FHL2: variants seen among roughly 807,000 people sequenced by gnomAD.
FHL2 encodes four and a half LIM domains protein 2.
In FHL2, 20 loss-of-function variants were observed where a neutral mutation model predicts 32.7. The ratio of observed to expected loss-of-function variants is 0.61; its 90% CI spans 0.43 to 0.89. The LOEUF (loss-of-function observed/expected upper bound fraction) is 0.89, where lower values mean the gene tolerates loss of function less well. FHL2 is among the 40% of genes least tolerant of loss of function. FHL2 has a pLI of 0.00. For synonymous variants in FHL2, 123 were observed against 128.1 expected (o/e 0.96, Z 0.27); for missense variants, 311 against 358.6 (o/e 0.87, Z 1.07).
chr2:105,381,944 T>G (rs1038222948), intron 3 of FHL2, among the ~76,000 whole-genome samples: 1 of 151,452 alleles, frequency 6.6e-6, no homozygotes, highest in Non-Finnish European at 1.5e-5. Context: ...GAAGGGTGGG[T>G]TTTTCAAACC....
chr2:105,437,259 C>T (rs1234299678), intron 1 of FHL2, among the ~76,000 whole-genome samples: 1 of 152,160 alleles, frequency 6.6e-6, no homozygotes, highest in Non-Finnish European at 1.5e-5. Context: ...AATACAAAAA[C>T]TTGTGTAAGG....
chr2:105,394,481 G>A (rs1310986684), intron 2 of FHL2, among the ~76,000 whole-genome samples: 2 of 151,998 alleles, frequency 1.3e-5, no homozygotes, highest in African/African-American at 2.4e-5. Flanking sequence ...ACTGAGGCAG[G>A]AGGACTGCTT....
At position 105,405,516 on chromosome 2, in the gene FHL2, A is replaced by G. The variant is rs547956492; in HGVS notation, c.-24-18976T>C. 4.6e-5 allele frequency among the ~76,000 whole-genome samples: 7 copies of G among 152,316 alleles called. No individual in the cohort carries two copies. The South Asian group carries it at 1.2e-3, about 27-fold the overall frequency. Reference sequence around the variant, plus strand: ...AACTCTGCCTTCCCTGATTCAAGTGATTCCCCTGCCATGGCCTCCCAAAGT... The same window carrying G: ...AACTCTGCCTTCCCTGATTCAAGTGGTTCCCCTGCCATGGCCTCCCAAAGT... On this transcript the variant is annotated intron_variant, in intron 1 of 5. Coordinates refer to the FHL2 transcript ENST00000393352.
At chr2:105,367,940 C>A (rs1042200638) in intron 4 of FHL2, among the ~76,000 whole-genome samples, 3 of 152,188 alleles carry the variant, frequency 2.0e-5, no homozygotes, top group African/African-American at 7.2e-5. Flanking sequence ...CTACTGTACA[C>A]CCAGCTCCTA....
chr2:105,374,944 G>A (rs547191739), intron 3 of FHL2, among the ~76,000 whole-genome samples: 2 of 152,316 alleles, frequency 1.3e-5, no homozygotes, highest in East Asian at 3.9e-4. Flanking sequence ...GGGCACAGGA[G>A]GGCTGTTCAC....
intron 1 of FHL2, among the ~76,000 whole-genome samples, chr2:105,429,673 T>C (rs1684369219): frequency 6.6e-6 from 1 of 152,242 alleles, no homozygotes; most frequent in African/African-American, 2.4e-5. Context: ...AGTAAATTTG[T>C]GTTGCTTTAA....
upstream of FHL2, chr2:105,399,434 G>A: frequency 6.5e-7 from 1 of 1,536,210 alleles, no homozygotes; most frequent in Non-Finnish European, 8.7e-7. Flanking sequence ...GGCGGAGGGA[G>A]GAGGGGGTCA....
chr2:105,361,019 T>G lies in FHL2; in HGVS notation c.*264A>C, dbSNP rs959687850. The G allele has an allele frequency of 6.1e-6, 2 of 326,378 alleles. No homozygotes were observed. Among genetic ancestry groups the G allele is most frequent in the African/African-American group, 2.1e-5 (1 of 47,152 alleles). The allele number at this position is 326,378 out of a possible 1,614,324, so 20.2% of individuals were successfully genotyped here. ...TTTATAAAGGCATCATTCAAAAGGATTTTTACATTTGGGTGTGCCTTACTC... is the reference window on the plus strand; with the variant it reads ...TTTATAAAGGCATCATTCAAAAGGAGTTTTACATTTGGGTGTGCCTTACTC... On this transcript the variant is annotated 3_prime_UTR_variant, in exon 7 of 7. Transcript: ENST00000530340.
At chr2:105,371,546 A>C (rs1573300074) in intron 4 of FHL2, among the ~76,000 whole-genome samples, 4 of 140,970 alleles carry the variant, frequency 2.8e-5, no homozygotes, top group Non-Finnish European at 4.6e-5. Flanking sequence ...ATCCCTTGAA[A>C]TCTCTCTCTC....
chr2:105,437,119 G>A (rs1421379673), intron 1 of FHL2, among the ~76,000 whole-genome samples: 1 of 152,200 alleles, frequency 6.6e-6, no homozygotes, highest in Non-Finnish European at 1.5e-5. Context: ...GATGGTGGGT[G>A]AGCAGTCAGG....
chr2:105,425,475 G>A (rs564944851), intron 1 of FHL2, among the ~76,000 whole-genome samples: 75 of 151,980 alleles, frequency 4.9e-4, no homozygotes, highest in Admixed American at 4.6e-4. Flanking sequence ...CCCAACACCC[G>A]TAAAGGGTCT....
At chr2:105,425,180 C>T (rs1684221726) in intron 1 of FHL2, among the ~76,000 whole-genome samples, 1 of 152,136 alleles carries the variant, frequency 6.6e-6, no homozygotes, top group Admixed American at 6.5e-5. Context: ...TTGCCTCAGC[C>T]ACTTTGACCC....
At chr2:105,382,777 C>A (rs1297289392) in intron 3 of FHL2, among the ~76,000 whole-genome samples, 1 of 152,162 alleles carries the variant, frequency 6.6e-6, no homozygotes, top group Non-Finnish European at 1.5e-5. Context: ...CTTGCAGACC[C>A]ATGGAACATT....
intron 1 of FHL2, among the ~76,000 whole-genome samples, chr2:105,426,364 C>T (rs2104676074): frequency 6.6e-6 from 1 of 152,308 alleles, no homozygotes; most frequent in East Asian, 1.9e-4. Context: ...GTTACCTTAA[C>T]CAGGCTCCAT....
At chr2:105,394,078 G>C (rs568792834) in intron 2 of FHL2, among the ~76,000 whole-genome samples, 1 of 152,126 alleles carries the variant, frequency 6.6e-6, no homozygotes, top group African/African-American at 2.4e-5. Flanking sequence ...TCAAAGGCAC[G>C]GGACTCTCAC....
rs76810592 is a variant in FHL2, at chr2:105,398,955, G to T, written c.-189C>A. On this transcript the variant is annotated 5_prime_UTR_variant, in exon 1 of 7. Transcript: ENST00000530340. ...TCGGCCTCCCTCCGGGGCGCAGGGG[G>T]TTGGAGGTACTCACGGCACCGCAGC... 7.8e-6 allele frequency: 12 copies of T among 1,532,810 alleles called. No homozygotes were observed. The highest frequency in any genetic ancestry group is 1.0e-5 in the Non-Finnish European group (12 of 1,143,860). The allele number at this position is 1,532,810 out of a possible 1,614,324, so 95.0% of individuals were successfully genotyped here. A position where few individuals can be genotyped will look rare whatever the true frequency, so the allele number is the denominator to read the frequency against.
chr2:105,377,112 G>A (rs1681526748), intron 3 of FHL2, among the ~76,000 whole-genome samples: 1 of 152,182 alleles, frequency 6.6e-6, no homozygotes, highest in African/African-American at 2.4e-5. Context: ...CGATGATCTT[G>A]AGCAGTAAGA....
chr2:105,407,347 G>A (rs546329631), intron 1 of FHL2, among the ~76,000 whole-genome samples: 95 of 146,980 alleles, frequency 6.5e-4, no homozygotes, highest in Non-Finnish European at 1.3e-3. Context: ...AGCTGAGATC[G>A]CTCCACTGCA....
upstream of FHL2, among the ~76,000 whole-genome samples, chr2:105,401,271 C>G (rs1220329364): frequency 6.6e-6 from 1 of 151,844 alleles, no homozygotes; most frequent in African/African-American, 2.4e-5. Flanking sequence ...AAGAACAGTG[C>G]CAAAATATTT....
Sources: gnomAD v4.1 joint callset for allele counts (sites outside exome capture counted in the v4.1 genomes callset) on GRCh38, gnomAD v4.1.1 for gene constraint, MANE v1.5 for transcripts, NCBI Gene and HGNC (gene_info 2026-07-23, HGNC 2026-07-21) for gene names.